NBPF20: variants seen among roughly 807,000 people sequenced by gnomAD.
The protein encoded by NBPF20 is NBPF family member NBPF20.
In NBPF20, 90 loss-of-function variants were observed where a neutral mutation model predicts 68.1. The observed-to-expected ratio is 1.32, with a 90% CI of 1.11 to 1.58. The LOEUF is 1.58. Among genes scored for constraint, NBPF20 ranks in the 40% most tolerant of loss-of-function variants. The pLI, the probability that NBPF20 is intolerant of heterozygous loss-of-function variation, is 0.00. For synonymous variants in NBPF20, 290 were observed against 228.1 expected (o/e 1.27, Z -2.45); for missense variants, 816 against 601.2 (o/e 1.36, Z -3.74).
intron 137 of NBPF20, among the ~76,000 whole-genome samples, chr1:145,292,124 A>C (rs1393771382): frequency 6.7e-6 from 1 of 149,740 alleles, no homozygotes; most frequent in Admixed American, 6.6e-5. Flanking sequence ...TTTTCCATAA[A>C]ATATGCTCAA....
chr1:145,291,291 A>C (rs1215339335), exon 138 of NBPF20: 1 of 653,300 alleles, frequency 1.5e-6, no homozygotes, highest in Non-Finnish European at 2.6e-6. Flanking sequence ...TGTCTGACTG[A>C]TCACTCCCGG....
At chr1:145,403,108 C>G (rs1291245279) in intron 3 of NBPF20, 108 bp downstream of exon 8, 30 of 1,230,096 alleles carry the variant, frequency 2.4e-5, no homozygotes, top group Middle Eastern at 5.4e-4. Context: ...CATGGCAATT[C>G]CTGCCCTTCC....
chr1:145,291,919 GT>G, intron 137 of NBPF20, 150 bp from the exon 143 acceptor site: 4 of 1,514,738 alleles, frequency 2.6e-6, no homozygotes, highest in Non-Finnish European at 3.6e-6. Flanking sequence ...TTGCCTATAT[GT>G]TGGGATAGAA....
chr1:145,394,820 A>C (rs1662142104), intron 8 of NBPF20, among the ~76,000 whole-genome samples, 158 bp downstream of exon 13: 1 of 152,258 alleles, frequency 6.6e-6, no homozygotes, highest in Admixed American at 6.5e-5. Flanking sequence ...CCTGTGCTTC[A>C]GACTCGACTC....
chr1:145,414,953 G>A, the NBPF20 span, among the ~76,000 whole-genome samples: 2 of 152,024 alleles, frequency 1.3e-5, no homozygotes, highest in Admixed American at 6.6e-5. Context: ...AAGAGACACA[G>A]AGACAAAGTA....
At chr1:145,393,503 G>A (rs587767244) in intron 9 of NBPF20, among the ~76,000 whole-genome samples, 2 of 150,992 alleles carry the variant, frequency 1.3e-5, no homozygotes, top group Non-Finnish European at 3.0e-5. Context: ...AGCGAGCTCA[G>A]TGAATTGGTC....
upstream of NBPF20, among the ~76,000 whole-genome samples, chr1:145,407,530 T>C (rs1205978821): frequency 7.5e-5 from 11 of 147,164 alleles, no homozygotes; most frequent in Non-Finnish European, 1.6e-4. Context: ...CATACGTGTA[T>C]ATATATAATA....
chr1:145,292,051 C>T (rs1489660261), intron 137 of NBPF20, among the ~76,000 whole-genome samples: 1 of 149,434 alleles, frequency 6.7e-6, no homozygotes, highest in African/African-American at 2.6e-5. Context: ...TCAAAGGACA[C>T]TCTGAGTTAG....
chr1:145,423,581 C>T, the NBPF20 span, among the ~76,000 whole-genome samples: 1 of 152,008 alleles, frequency 6.6e-6, no homozygotes, highest in Admixed American at 6.6e-5. Flanking sequence ...AAAAGTATTA[C>T]AAATCAACAG....
chr1:145,298,344 A>G (rs1265197968), intron 129 of NBPF20, among the ~76,000 whole-genome samples: 1 of 141,964 alleles, frequency 7.0e-6, no homozygotes, highest in Admixed American at 6.8e-5. Context: ...ACACACACAC[A>G]CACACACACA....
At chr1:145,405,665 T>G (rs1662743805), upstream of NBPF20, 2 of 561,604 alleles carry the variant, frequency 3.6e-6, no homozygotes, top group Non-Finnish European at 6.3e-6. Context: ...GGCACCCTAG[T>G]CTCACCTGAG....
chr1:145,400,184 T>A (rs1662451120), intron 6 of NBPF20, among the ~76,000 whole-genome samples: 1 of 152,186 alleles, frequency 6.6e-6, no homozygotes, highest in African/African-American at 2.4e-5. Flanking sequence ...TTGTCACACT[T>A]GCCTGGGGTT....
chr1:145,406,085 AT>A (rs587699811), upstream of NBPF20, among the ~76,000 whole-genome samples: 1,251 of 117,664 alleles, frequency 0.011, 6 homozygotes, highest in East Asian at 0.023. Context: ...CGCCCGGCTA[AT>A]TTTTTTTTTT....
upstream of NBPF20, among the ~76,000 whole-genome samples, chr1:145,409,967 C>G (rs78803609): frequency 1.3e-5 from 2 of 151,880 alleles, no homozygotes; most frequent in Non-Finnish European, 2.9e-5. Flanking sequence ...TACGGAGCCA[C>G]GAGAAACAGC....
At position 145,393,421 on chromosome 1, in the gene NBPF20, G is replaced by A. The variant is rs1194868147; in HGVS notation, c.1044-175C>T. Among the ~76,000 whole-genome samples the A allele has an allele frequency of 7.3e-5, 11 of 149,734 alleles. 1 individual carries two copies. Among genetic ancestry groups the A allele is most frequent in the Admixed American group, 4.7e-4 (7 of 14,880 alleles). On this transcript the variant is annotated intron_variant, in intron 9 of 137. Transcript: ENST00000369373. Reference sequence around the variant, plus strand: ...GATAGACTAGGGCCAGGTAGAAAAGGATGAAAGAGAGAGACACACACTCAC... The same window carrying A: ...GATAGACTAGGGCCAGGTAGAAAAGAATGAAAGAGAGAGACACACACTCAC...
intron 75 of NBPF20, among the ~76,000 whole-genome samples, 178 bp from the exon 81 acceptor site, chr1:145,341,117 G>C (rs1661609220): frequency 2.3e-5 from 2 of 85,330 alleles, no homozygotes; most frequent in African/African-American, 7.7e-5. Context: ...AGAAAACAAT[G>C]AAAGAGAAAG....
chr1:145,425,159 G>A, the NBPF20 span, among the ~76,000 whole-genome samples: 3 of 152,152 alleles, frequency 2.0e-5, no homozygotes, highest in Non-Finnish European at 2.9e-5. Flanking sequence ...GGCTGCGGGC[G>A]GCAGCGGCAA....
chr1:145,403,633 C>T (rs1228825540), intron 2 of NBPF20, among the ~76,000 whole-genome samples: 3 of 152,196 alleles, frequency 2.0e-5, no homozygotes, highest in South Asian at 4.2e-4. Context: ...TTTCCCAAGC[C>T]TTGCAGCCTC....
At chr1:145,410,699 T>G in the NBPF20 span, among the ~76,000 whole-genome samples, 169 of 104,180 alleles carry the variant, frequency 1.6e-3, 4 homozygotes, top group Non-Finnish European at 3.8e-4. Context: ...AATATATATA[T>G]ATGTGTGTGT....
Sources: allele counts gnomAD v4.1 joint callset (sites outside exome capture counted in the v4.1 genomes callset), GRCh38; gene constraint gnomAD v4.1.1; transcripts MANE v1.5; gene names NCBI Gene and HGNC (gene_info 2026-07-23, HGNC 2026-07-21).